The following SLF2 variants were observed in gnomAD, a reference collection of about 807,000 sequenced individuals.
SLF2 encodes the protein SMC5-SMC6 complex localization factor protein 2.
A neutral mutation model predicts 124.3 loss-of-function variants in SLF2; 68 were observed. The ratio of observed to expected loss-of-function variants is 0.55; its 90% CI spans 0.45 to 0.67. The LOEUF (loss-of-function observed/expected upper bound fraction) is 0.67, where lower values mean the gene tolerates loss of function less well. Among genes scored for constraint, SLF2 ranks in the 30% least tolerant of loss-of-function variants. The pLI is 0.00. For synonymous variants in SLF2, 480 were observed against 478.8 expected (o/e 1.00, Z -0.03); for missense variants, 1,246 against 1,373.7 (o/e 0.91, Z 1.47).
intron 4 of SLF2, among the ~76,000 whole-genome samples, chr10:100,919,320 CAT>C (rs1184519984): frequency 6.6e-6 from 1 of 152,020 alleles, no homozygotes; most frequent in Admixed American, 6.6e-5. Flanking sequence ...CCCCAGGAAA[CAT>C]AATCTTATTA....
Position 100,924,163 on chromosome 10 carries a change from C to A in SLF2, c.1162C>A (p.Arg388Ser). Residue 388 changes from arginine to serine, a missense_variant, in exon 5 of 20, where the codon CGC becomes AGC. This residue lies in a region of SLF2 where 698 missense variants were observed against 708.9 expected (regional missense o/e 0.98). Coordinates refer to ENST00000238961, the MANE Select transcript of SLF2 (RefSeq NM_018121.4). Reference protein sequence around the residue: ...IALKTPGDVLRLEDISKEPSD... With the variant: ...IALKTPGDVLSLEDISKEPSD... ...ACTGAAGACACCTGGTGATGTGTTG[C>A]GCTTAGAAGATATATCCAAGGAACC... The A allele has an allele frequency of 3.7e-6, 6 of 1,613,894 alleles. No homozygotes were observed. The highest frequency in any genetic ancestry group is 5.1e-6 in the Non-Finnish European group (6 of 1,179,962).
At position 100,924,352 on chromosome 10, in the gene SLF2, A is replaced by T. The variant is rs1368661152; in HGVS notation, c.1351A>T (p.Lys451Ter). 1.2e-6 allele frequency: 2 copies of T among 1,613,782 alleles called. No individual in the cohort carries two copies. Among genetic ancestry groups the T allele is most frequent in the Non-Finnish European group, 1.7e-6 (2 of 1,179,972 alleles). Residue 451 changes from lysine to a stop codon, truncating the protein, a stop_gained, in exon 5 of 20, where the codon AAA (lysine) becomes TAA (stop). Transcript: ENST00000238961. LOFTEE classifies it high-confidence loss of function. ...TTTATCTCAGGAAAAGTCTGCAATTAAAAAAGCTAGCAACCTTCAGAAAAA... is the reference window on the plus strand; with the variant it reads ...TTTATCTCAGGAAAAGTCTGCAATTTAAAAAGCTAGCAACCTTCAGAAAAA... Reference protein sequence around the residue: ...LPLSQEKSAIKKASNLQKNKT... With the variant: ...LPLSQEKSAI
chr10:100,937,498 A>G (rs1429168079), intron 10 of SLF2, 21 bp downstream of exon 10: 4 of 1,386,286 alleles, frequency 2.9e-6, no homozygotes, highest in South Asian at 1.2e-5. Flanking sequence ...CAACTTATTA[A>G]GATTTACCGT....
rs1198326039 is a variant in SLF2 at position 100,938,704 on chromosome 10, T to C, written c.2622T>C (p.Asn874=). 4.3e-6 allele frequency: 7 copies of C among 1,612,662 alleles called. No homozygotes were observed. The Admixed American group carries it at 1.0e-4, about 23-fold the overall frequency. The part of the protein sequence containing the change: ...IDFRSLFPLE[N]LQPDFNEDYL... ...TTAGATCTTTGTTTCCCCTGGAGAATCTTCAGCCAGACTTTAATGAAGACT... is the reference window on the plus strand; with the variant it reads ...TTAGATCTTTGTTTCCCCTGGAGAACCTTCAGCCAGACTTTAATGAAGACT... Residue 874 remains asparagine, a synonymous_variant, in exon 11 of 20, where the codon AAT becomes AAC. Transcript: ENST00000238961.
intron 13 of SLF2, 78 bp downstream of exon 13, chr10:100,945,584 C>A: frequency 9.1e-7 from 1 of 1,098,840 alleles, no homozygotes; most frequent in Non-Finnish European, 1.2e-6. Context: ...GGAATTAATA[C>A]TGTTTCTAAA....
intron 8 of SLF2, 136 bp from the exon 9 acceptor site, chr10:100,930,840 G>A: frequency 1.5e-6 from 1 of 660,798 alleles, no homozygotes; most frequent in Middle Eastern, 3.5e-4. Context: ...ATCCATATTG[G>A]TATAGAGTCC....
intron 18 of SLF2, among the ~76,000 whole-genome samples, chr10:100,956,801 C>T (rs1222734719): frequency 6.6e-6 from 1 of 152,106 alleles, no homozygotes; most frequent in African/African-American, 2.4e-5. Flanking sequence ...TGTCATGCAC[C>T]TGTAGTTCTG....
chr10:100,935,973 C>A (rs909989224), intron 9 of SLF2, among the ~76,000 whole-genome samples: 7 of 150,752 alleles, frequency 4.6e-5, no homozygotes, highest in Non-Finnish European at 8.9e-5. Flanking sequence ...ATCCTCCCCC[C>A]TCAGCCCCCC....
At chr10:100,941,588 C>G (rs997009614) in intron 11 of SLF2, among the ~76,000 whole-genome samples, 1 of 152,186 alleles carries the variant, frequency 6.6e-6, no homozygotes, top group Non-Finnish European at 1.5e-5. Context: ...TCGCTCTCTA[C>G]TATTCTCAAA....
chr10:100,916,515 A>G, intron 2 of SLF2, 55 bp from the exon 3 acceptor site: 1 of 1,209,108 alleles, frequency 8.3e-7, no homozygotes. Flanking sequence ...AATTTAGATA[A>G]ATATTAAATA....
chr10:100,918,495 A>C (rs1170649171), intron 4 of SLF2, 54 bp downstream of exon 4: 2 of 1,162,576 alleles, frequency 1.7e-6, no homozygotes, highest in African/African-American at 1.6e-5. Flanking sequence ...TTTTAATGGC[A>C]CTGCTTTTTA....
At chr10:100,938,379 C>T (rs72842152) in intron 10 of SLF2, among the ~76,000 whole-genome samples, 59 of 152,312 alleles carry the variant, frequency 3.9e-4, no homozygotes, top group Non-Finnish European at 6.8e-4. Flanking sequence ...TTTTATCCAT[C>T]ACTCTCAGAT....
chr10:100,922,886 C>G (rs1849546452), intron 4 of SLF2, among the ~76,000 whole-genome samples: 2 of 151,892 alleles, frequency 1.3e-5, no homozygotes, highest in African/African-American at 4.8e-5. Flanking sequence ...AGCGATTCTC[C>G]TGTCTTGGCC....
intron 13 of SLF2, 66 bp from the exon 14 acceptor site, chr10:100,946,973 G>A (rs1589962468): frequency 1.6e-6 from 2 of 1,222,202 alleles, no homozygotes; most frequent in South Asian, 2.4e-5. Flanking sequence ...GGTTGTAGAT[G>A]ATCTGTTGGG....
chr10:100,952,657 G>A (rs1000605639), intron 17 of SLF2, among the ~76,000 whole-genome samples: 8 of 151,910 alleles, frequency 5.3e-5, no homozygotes, highest in African/African-American at 1.7e-4. Context: ...CTGTGTTTGC[G>A]GTTGGGCACA....
intron 1 of SLF2, 161 bp downstream of exon 1, chr10:100,913,411 A>G: frequency 1.5e-6 from 2 of 1,351,966 alleles, no homozygotes; most frequent in South Asian, 1.8e-5. Context: ...CGCAGGGGCT[A>G]CTGGGAGTTG....
At chr10:100,959,715 A>G (rs549167502) in intron 19 of SLF2, 65 of 763,434 alleles carry the variant, frequency 8.5e-5, no homozygotes, top group Non-Finnish European at 1.2e-4. Context: ...CCCATTTAAA[A>G]ATATTGCATT....
intron 9 of SLF2, among the ~76,000 whole-genome samples, chr10:100,931,933 A>C (rs950870646): frequency 6.6e-6 from 1 of 152,080 alleles, no homozygotes; most frequent in Non-Finnish European, 1.5e-5. Flanking sequence ...TGGAGTTTAC[A>C]GTGAGCCAAG....
Position 100,943,392 on chromosome 10 carries a change from C to T in SLF2, c.2655-634C>T, listed in dbSNP as rs184224591. ...GAAGGAAACGAGTGGTTATAAAGAA[C>T]GGAGCTAGGAGGGCAGTTTATCACA... On this transcript the variant is annotated intron_variant, in intron 11 of 19. Transcript: ENST00000238961. Among the ~76,000 whole-genome samples the T allele has an allele frequency of 1.3e-3, 205 of 152,224 alleles. 1 individual carries two copies. The highest frequency in any genetic ancestry group is 4.1e-3 in the African/African-American group (170 of 41,550).
Sources: allele counts gnomAD v4.1 joint callset (sites outside exome capture counted in the v4.1 genomes callset), GRCh38; gene constraint gnomAD v4.1.1; regional missense constraint gnomAD v4.1.1; transcripts MANE v1.5; gene names NCBI Gene and HGNC (gene_info 2026-07-23, HGNC 2026-07-21).